Variants in GPC5 observed in about 807,000 individuals in gnomAD.
GPC5 encodes glypican 5, also known as glypican-5.
In GPC5, 47 loss-of-function variants were observed where a neutral mutation model predicts 53.9. The ratio of observed to expected loss-of-function variants is 0.87; its 90% CI spans 0.69 to 1.11. The LOEUF (loss-of-function observed/expected upper bound fraction) is 1.11, where lower values mean the gene tolerates loss of function less well. Ranked by LOEUF, GPC5 falls within the 50% of genes most tolerant of loss-of-function variation. GPC5 has a pLI of 0.00. For missense variants in GPC5, 748 were observed against 713.1 expected, an observed-to-expected ratio of 1.05 and a Z score of -0.56; for synonymous variants, 286 against 263.3, an observed-to-expected ratio of 1.09 and a Z score of -0.84.
intron 7 of GPC5, among the ~76,000 whole-genome samples, chr13:92,390,560 C>T (rs529316384): frequency 6.6e-6 from 1 of 152,140 alleles, no homozygotes; most frequent in South Asian, 2.1e-4. Context: ...ACACCTGGTG[C>T]TTTTTACCCC....
At position 92,389,030 on chromosome 13, in the gene GPC5, C is replaced by T. The variant is rs115926529; in HGVS notation, c.1561+244041C>T. Among the ~76,000 whole-genome samples the T allele has an allele frequency of 7.3e-3, 1,105 of 152,178 alleles. 9 individuals carry two copies. Among genetic ancestry groups the T allele is most frequent in the African/African-American group, 0.025 (1,036 of 41,516 alleles). Reference sequence around the variant, plus strand: ...CAGTCTAGATGTCAGTGATGGAAAGCAGCCAGACACTGCACTTCTCTTTCT... The same window carrying T: ...CAGTCTAGATGTCAGTGATGGAAAGTAGCCAGACACTGCACTTCTCTTTCT... On this transcript the variant is annotated intron_variant, in intron 7 of 7. Coordinates refer to ENST00000377067, the MANE Select transcript of GPC5 (RefSeq NM_004466.6).
At chr13:92,306,814 C>A (rs1160931159) in intron 7 of GPC5, among the ~76,000 whole-genome samples, 1 of 152,162 alleles carries the variant, frequency 6.6e-6, no homozygotes, top group Admixed American at 6.5e-5. Context: ...TGTTAAACAT[C>A]TCAAAAGAAG....
intron 7 of GPC5, among the ~76,000 whole-genome samples, chr13:92,429,953 T>A (rs891239152): frequency 2.0e-5 from 3 of 151,980 alleles, no homozygotes; most frequent in Non-Finnish European, 2.9e-5. Flanking sequence ...TACTTGAAAA[T>A]TGTGAAGAGA....
intron 6 of GPC5, among the ~76,000 whole-genome samples, chr13:91,992,158 A>G (rs1374552485): frequency 6.6e-6 from 1 of 152,036 alleles, no homozygotes; most frequent in Non-Finnish European, 1.5e-5. Flanking sequence ...CTGCCTCCCA[A>G]GTAGCAGGGA....
chr13:92,223,367 C>G (rs969549117), intron 7 of GPC5, among the ~76,000 whole-genome samples: 3 of 152,108 alleles, frequency 2.0e-5, no homozygotes, highest in African/African-American at 7.2e-5. Context: ...TTCAACCATT[C>G]TTTCACAGTT....
intron 7 of GPC5, among the ~76,000 whole-genome samples, chr13:92,794,077 A>C (rs935021338): frequency 1.3e-5 from 2 of 152,128 alleles, no homozygotes; most frequent in African/African-American, 4.8e-5. Context: ...CAGACACACA[A>C]CAAAAAAAGA....
chr13:92,728,078 A>T (rs538230683), intron 7 of GPC5, among the ~76,000 whole-genome samples: 1 of 151,598 alleles, frequency 6.6e-6, no homozygotes, highest in South Asian at 2.1e-4. Context: ...CAATGTTTCT[A>T]AGAAAGTACC....
At chr13:92,681,843 T>C (rs1288840119) in intron 7 of GPC5, among the ~76,000 whole-genome samples, 1 of 152,204 alleles carries the variant, frequency 6.6e-6, no homozygotes, top group Non-Finnish European at 1.5e-5. Flanking sequence ...GACTATTCCT[T>C]TGTGGTGGAA....
At chr13:92,653,438 C>G (rs1279663391) in intron 7 of GPC5, among the ~76,000 whole-genome samples, 1 of 152,182 alleles carries the variant, frequency 6.6e-6, no homozygotes, top group Non-Finnish European at 1.5e-5. Flanking sequence ...TACGGATGGG[C>G]TGCAGACAGC....
chr13:92,253,775 A>G (rs1277277410), intron 7 of GPC5, among the ~76,000 whole-genome samples: 3 of 152,150 alleles, frequency 2.0e-5, no homozygotes, highest in Non-Finnish European at 4.4e-5. Flanking sequence ...ACAGAGCTGT[A>G]GAAATAAAAA....
chr13:91,465,060 C>T (rs1414389684), intron 2 of GPC5, among the ~76,000 whole-genome samples: 2 of 152,056 alleles, frequency 1.3e-5, no homozygotes, highest in African/African-American at 2.4e-5. Flanking sequence ...TATTCACTTA[C>T]CTTAATCAAT....
chr13:92,647,003 A>C (rs952251148), intron 7 of GPC5, among the ~76,000 whole-genome samples: 14 of 148,352 alleles, frequency 9.4e-5, no homozygotes, highest in African/African-American at 3.5e-4. Context: ...TGGAAATTTC[A>C]CGTTTAAATC....
intron 7 of GPC5, among the ~76,000 whole-genome samples, chr13:92,678,800 G>T (rs9516119): frequency 0.15 from 23,547 of 152,170 alleles, 2,112 homozygotes; most frequent in Non-Finnish European, 0.21. Context: ...GTAGATCCAG[G>T]TAGTGAGATG....
At chr13:92,670,724 G>A (rs12866354) in intron 7 of GPC5, among the ~76,000 whole-genome samples, 33,637 of 152,068 alleles carry the variant, frequency 0.22, 4,383 homozygotes, top group South Asian at 0.36. Flanking sequence ...ATATCAGCCT[G>A]TTCTCCAAGT....
chr13:91,507,242 A>C (rs1341315352), intron 2 of GPC5, among the ~76,000 whole-genome samples: 1 of 152,162 alleles, frequency 6.6e-6, no homozygotes, highest in Admixed American at 6.5e-5. Flanking sequence ...CTCTGTCATC[A>C]CATGGCAGAA....
At chr13:92,809,907 T>C (rs1877231537) in intron 7 of GPC5, among the ~76,000 whole-genome samples, 1 of 152,126 alleles carries the variant, frequency 6.6e-6, no homozygotes, top group Admixed American at 6.6e-5. Context: ...AAACCTAGTG[T>C]GTGTGTCACT....
At chr13:91,874,744 C>T (rs2039183815) in intron 5 of GPC5, among the ~76,000 whole-genome samples, 1 of 152,196 alleles carries the variant, frequency 6.6e-6, no homozygotes. Flanking sequence ...GTTAAAATTA[C>T]ATAGAAACTT....
At chr13:92,514,417 G>A (rs1046967926) in intron 7 of GPC5, among the ~76,000 whole-genome samples, 1 of 152,106 alleles carries the variant, frequency 6.6e-6, no homozygotes, top group Admixed American at 6.5e-5. Flanking sequence ...TTCAGGCTCT[G>A]TGTTCAGCCC....
intron 7 of GPC5, among the ~76,000 whole-genome samples, chr13:92,762,538 A>G (rs535095971): frequency 2.4e-4 from 37 of 152,282 alleles, no homozygotes; most frequent in Non-Finnish European, 4.4e-4. Flanking sequence ...CAATTTAATT[A>G]TAATGTATGT....
Sources: gnomAD v4.1 joint callset for allele counts (sites outside exome capture counted in the v4.1 genomes callset) on GRCh38, gnomAD v4.1.1 for gene constraint, MANE v1.5 for transcripts, NCBI Gene and HGNC (gene_info 2026-07-23, HGNC 2026-07-21) for gene names.